CORIN: variants seen among roughly 807,000 people sequenced by gnomAD.
The protein encoded by CORIN is corin, serine peptidase.
A neutral mutation model predicts 125.3 loss-of-function variants in CORIN; 117 were observed. The ratio of observed to expected loss-of-function variants is 0.93; its 90% CI spans 0.80 to 1.09. The LOEUF is 1.09. CORIN is among the 50% of genes least tolerant of loss of function. The pLI is 0.00. For missense variants in CORIN, 1,253 were observed against 1,306.7 expected, an observed-to-expected ratio of 0.96 and a Z score of 0.63; for synonymous variants, 450 against 466.4, an observed-to-expected ratio of 0.96 and a Z score of 0.45.
At chr4:47,614,994 G>A (rs969983539) in intron 19 of CORIN, among the ~76,000 whole-genome samples, 2 of 152,210 alleles carry the variant, frequency 1.3e-5, no homozygotes, top group African/African-American at 4.8e-5. Context: ...TGGCTAGGTT[G>A]GTTAGGGAAG....
At chr4:47,802,452 T>C (rs1337889210) in intron 2 of CORIN, among the ~76,000 whole-genome samples, 1 of 152,044 alleles carries the variant, frequency 6.6e-6, no homozygotes, top group Non-Finnish European at 1.5e-5. Flanking sequence ...GGGCTCTAAG[T>C]GAACATCAGT....
At chr4:47,771,403 C>G (rs1343025256) in intron 3 of CORIN, among the ~76,000 whole-genome samples, 1 of 152,162 alleles carries the variant, frequency 6.6e-6, no homozygotes, top group Non-Finnish European at 1.5e-5. Context: ...AAACATAAAA[C>G]TGAAGACAGG....
At chr4:47,772,236 T>TA (rs1187558766) in intron 3 of CORIN, among the ~76,000 whole-genome samples, 1 of 152,218 alleles carries the variant, frequency 6.6e-6, no homozygotes, top group African/African-American at 2.4e-5. Context: ...AGAAACTACT[T>TA]ACTGTGACAA....
chr4:47,692,782 C>T (rs16860593), intron 6 of CORIN, among the ~76,000 whole-genome samples, 188 bp downstream of exon 6: 2,875 of 152,252 alleles, frequency 0.019, 81 homozygotes, highest in African/African-American at 0.062. Flanking sequence ...CAGCCTCTAC[C>T]TGTTGAGCTC....
At chr4:47,828,895 A>G (rs890891964) in intron 1 of CORIN, among the ~76,000 whole-genome samples, 2 of 152,116 alleles carry the variant, frequency 1.3e-5, no homozygotes, top group Non-Finnish European at 2.9e-5. Context: ...GCGGTGGCTC[A>G]TGCCTGTAAT....
At chr4:47,814,549 G>T (rs1000748541) in intron 1 of CORIN, among the ~76,000 whole-genome samples, 2 of 152,110 alleles carry the variant, frequency 1.3e-5, no homozygotes, top group African/African-American at 2.4e-5. Flanking sequence ...AAGTAGATTT[G>T]TTGAGTAACA....
chr4:47,606,449 A>G (rs1721647615), intron 19 of CORIN, among the ~76,000 whole-genome samples: 1 of 152,040 alleles, frequency 6.6e-6, no homozygotes, highest in African/African-American at 2.4e-5. Context: ...AGTAGAGATA[A>G]GGTTTTGCTG....
chr4:47,783,788 CAT>C (rs1730659916), intron 3 of CORIN, among the ~76,000 whole-genome samples: 1 of 151,942 alleles, frequency 6.6e-6, no homozygotes. Flanking sequence ...AGTGATAAAT[CAT>C]ATATTAAAAT....
intron 2 of CORIN, among the ~76,000 whole-genome samples, chr4:47,806,323 G>A (rs1043915611): frequency 3.3e-5 from 5 of 152,070 alleles, no homozygotes; most frequent in African/African-American, 9.7e-5. Flanking sequence ...GGACTTTATT[G>A]ATCTAGCTGC....
chr4:47,820,682 A>G (rs940194943), intron 1 of CORIN, among the ~76,000 whole-genome samples: 1 of 152,142 alleles, frequency 6.6e-6, no homozygotes, highest in African/African-American at 2.4e-5. Flanking sequence ...CCCTGCCCGA[A>G]AAATGAGCTC....
At chr4:47,602,731 T>C (rs1721493454) in intron 20 of CORIN, among the ~76,000 whole-genome samples, 1 of 152,204 alleles carries the variant, frequency 6.6e-6, no homozygotes, top group Non-Finnish European at 1.5e-5. Context: ...GCATCTGAGC[T>C]TGGCCATTTT....
intron 4 of CORIN, among the ~76,000 whole-genome samples, chr4:47,748,119 T>C (rs1728738854): frequency 6.6e-6 from 1 of 152,186 alleles, no homozygotes; most frequent in Non-Finnish European, 1.5e-5. Context: ...GACCAGGATA[T>C]GTGAAATAGT....
At chr4:47,719,924 C>A (rs1198968236) in intron 5 of CORIN, among the ~76,000 whole-genome samples, 1 of 152,096 alleles carries the variant, frequency 6.6e-6, no homozygotes, top group Non-Finnish European at 1.5e-5. Context: ...ATATGTTGCC[C>A]ACGACTTTTG....
At chr4:47,701,454 C>A (rs1726288655) in intron 5 of CORIN, among the ~76,000 whole-genome samples, 1 of 152,172 alleles carries the variant, frequency 6.6e-6, no homozygotes, top group Middle Eastern at 3.4e-3. Flanking sequence ...TTATTGCCTG[C>A]CTGATAGCAT....
intron 19 of CORIN, among the ~76,000 whole-genome samples, chr4:47,617,251 T>C (rs1049863769): frequency 2.6e-5 from 4 of 151,314 alleles, no homozygotes; most frequent in Non-Finnish European, 4.4e-5. Context: ...TATGATCATA[T>C]ATTTTATGTG....
intron 19 of CORIN, among the ~76,000 whole-genome samples, chr4:47,614,974 G>T (rs1242402189): frequency 1.3e-5 from 2 of 152,188 alleles, no homozygotes; most frequent in Admixed American, 6.5e-5. Context: ...ATTTGACGGG[G>T]CAATCACTTT....
chr4:47,757,135 G>A (rs1023265100), intron 4 of CORIN, among the ~76,000 whole-genome samples: 2 of 151,972 alleles, frequency 1.3e-5, no homozygotes, highest in Admixed American at 6.6e-5. Context: ...CCAAAATAAT[G>A]AAATATAAAA....
intron 19 of CORIN, among the ~76,000 whole-genome samples, chr4:47,609,219 C>T (rs1721775036): frequency 6.6e-6 from 1 of 151,884 alleles, no homozygotes; most frequent in Non-Finnish European, 1.5e-5. Context: ...TGTGCTCTGT[C>T]CTTGGCATTT....
chr4:47,640,887 T>C (rs1723207457), intron 16 of CORIN, among the ~76,000 whole-genome samples: 1 of 152,190 alleles, frequency 6.6e-6, no homozygotes, highest in Non-Finnish European at 1.5e-5. Flanking sequence ...CTGAACACAA[T>C]CATAACCTAT....
Sources: allele counts gnomAD v4.1 joint callset (sites outside exome capture counted in the v4.1 genomes callset), GRCh38; gene constraint gnomAD v4.1.1; transcripts MANE v1.5; gene names NCBI Gene and HGNC (gene_info 2026-07-23, HGNC 2026-07-21).